The following ARRDC4 variants were observed in gnomAD, a reference collection of about 807,000 sequenced individuals.
ARRDC4 encodes arrestin domain containing 4, also known as arrestin domain-containing protein 4.
In ARRDC4, 40 loss-of-function variants were observed where a neutral mutation model predicts 44.6. That is an observed-to-expected ratio of 0.90 (90% CI 0.70 to 1.17). The LOEUF (loss-of-function observed/expected upper bound fraction) is 1.17, where lower values mean the gene tolerates loss of function less well. Among genes scored for constraint, ARRDC4 ranks in the 50% most tolerant of loss-of-function variants. ARRDC4 has a pLI of 0.00. For synonymous variants in ARRDC4, 211 were observed against 221.2 expected (o/e 0.95, Z 0.41); for missense variants, 550 against 559.1 (o/e 0.98, Z 0.16).
intron 5 of ARRDC4, 25 bp from the exon 6 acceptor site, chr15:97,969,854 CTCTT>C (rs2141536352): frequency 1.5e-6 from 2 of 1,375,990 alleles, no homozygotes; most frequent in African/African-American, 2.1e-5. Flanking sequence ...TTGTTCCTTT[CTCTT>C]TTTTTTTTTT....
At position 97,970,707 on chromosome 15, in the gene ARRDC4, A is replaced by G. The variant is rs1043988505; in HGVS notation, c.1164A>G (p.Gln388=). The G allele has an allele frequency of 6.2e-7, 1 of 1,613,436 alleles. No individual in the cohort carries two copies. The highest frequency in any genetic ancestry group is 8.5e-7 in the Non-Finnish European group (1 of 1,179,652). Reference sequence around the variant, plus strand: ...GCTGTCCTGTGTTTGCCTGTATACAAGAATTCCGGTTTCAACCCCCACCTC... The same window carrying G: ...GCTGTCCTGTGTTTGCCTGTATACAGGAATTCCGGTTTCAACCCCCACCTC... ...EVCCPVFACI[Q]EFRFQPPPLY... is the part of the protein sequence containing the mutation. Residue 388 remains glutamine, a synonymous_variant, in exon 7 of 8, where the codon CAA becomes CAG. Coordinates refer to ENST00000268042, the MANE Select transcript of ARRDC4 (RefSeq NM_183376.3). This position sits in a 1 kb window ranked among gnomAD's most constrained non-coding sequence, Gnocchi z 4.2.
At chr15:97,969,747 T>G in intron 5 of ARRDC4, 136 bp from the exon 6 acceptor site, 1 of 775,962 alleles carries the variant, frequency 1.3e-6, no homozygotes, top group Non-Finnish European at 2.0e-6. Context: ...TCAAGACAAT[T>G]GAGAATTGTG....
intron 1 of ARRDC4, 35 bp downstream of exon 1, chr15:97,961,203 A>C: frequency 7.3e-7 from 1 of 1,369,206 alleles, no homozygotes; most frequent in South Asian, 1.7e-5. Context: ...TTCCCCCGCC[A>C]GGCTGCGGGG....
rs1899431966 is a variant in ARRDC4, at chr15:97,967,209, T to C, written c.523-805T>C. The stretch of plus-strand genomic sequence containing the variant: ...GGGAGGCTGAATATTTTTAAAGTTT[T>C]TATGACCATTGTGGGAATTGATTTA... On this transcript the variant is annotated intron_variant, in intron 3 of 7. Coordinates refer to ENST00000268042, the MANE Select transcript of ARRDC4 (RefSeq NM_183376.3). The surrounding 1 kb of genome is among the most constrained non-coding windows in gnomAD (Gnocchi z 5.0). 6.6e-6 allele frequency among the ~76,000 whole-genome samples: 1 copy of C among 152,208 alleles called. No homozygotes were observed. Among genetic ancestry groups the C allele is most frequent in the Admixed American group, 6.5e-5 (1 of 15,280 alleles).
rs1899416322 is a variant in ARRDC4, at chr15:97,966,096, C to T, written c.522+54C>T. On this transcript the variant is annotated intron_variant, in intron 3 of 7. Coordinates refer to ENST00000268042, the MANE Select transcript of ARRDC4 (RefSeq NM_183376.3). The surrounding 1 kb of genome is among the most constrained non-coding windows in gnomAD (Gnocchi z 4.7). Reference sequence around the variant, plus strand: ...CCTTTTCCTCCTTCCCTCCCTTCCTCCTTCCTTTCAACAGTGGGATCTATA... The same window carrying T: ...CCTTTTCCTCCTTCCCTCCCTTCCTTCTTCCTTTCAACAGTGGGATCTATA... The T allele has an allele frequency of 6.3e-7, 1 of 1,580,908 alleles. No individual in the cohort carries two copies.
At position 97,961,168 on chromosome 15, in the gene ARRDC4, G is replaced by A. The variant is rs1244161915; in HGVS notation, c.307G>A (p.Gly103Ser). The A allele has an allele frequency of 7.0e-7, 1 of 1,423,170 alleles. No individual in the cohort carries two copies. The highest frequency in any genetic ancestry group is 3.3e-5 in the Admixed American group (1 of 30,344). 88.2% of individuals were successfully genotyped at this position (1,423,170 alleles called of 1,614,324 possible). ...VRLSLREPPA[G>S]EGIILLQPGK... ...CCTCAGCCTGCGGGAGCCCCCGGCC[G>A]GTAAGCGCAGGCGAGCGCCTGGGGT... is the stretch of plus-strand genomic sequence containing the variant. Residue 103 changes from glycine (G) to serine (S), a missense_variant and splice_region_variant, in exon 1 of 8, where the codon GGT (glycine) becomes AGT (serine). Coordinates refer to ENST00000268042, the MANE Select transcript of ARRDC4 (RefSeq NM_183376.3).
chr15:97,964,539 T>C (rs1325351489), intron 1 of ARRDC4, among the ~76,000 whole-genome samples: 1 of 152,180 alleles, frequency 6.6e-6, no homozygotes, highest in East Asian at 1.9e-4. Context: ...CTTGGTGCCT[T>C]CATCAGAGGT....
At chr15:97,961,861 C>G (rs1422949838) in intron 1 of ARRDC4, among the ~76,000 whole-genome samples, 1 of 152,134 alleles carries the variant, frequency 6.6e-6, no homozygotes, top group African/African-American at 2.4e-5. Context: ...CCTTTAGAGA[C>G]AAGAGCATCA....
intron 1 of ARRDC4, among the ~76,000 whole-genome samples, chr15:97,962,075 G>T (rs750294899): frequency 2.6e-5 from 4 of 152,132 alleles, no homozygotes; most frequent in East Asian, 1.9e-4. Flanking sequence ...AAACTTTTAC[G>T]TTTTTGCCAT....
Position 97,965,969 on chromosome 15 carries a change from A to C in ARRDC4, c.449A>C (p.Lys150Thr). ...GTGCGGGCAGTGTTGGAACGACCCA[A>C]GGTACCTGATCAGAGTGTAAAGCGG... ...YCVRAVLERPKVPDQSVKREL... is the reference protein window; with the variant it reads ...YCVRAVLERPTVPDQSVKREL... Residue 150 changes from lysine to threonine, a missense_variant, in exon 3 of 8, where the codon AAG (lysine) becomes ACG (threonine). Coordinates refer to ENST00000268042, the MANE Select transcript of ARRDC4 (RefSeq NM_183376.3). This position sits in a 1 kb window ranked among gnomAD's most constrained non-coding sequence, Gnocchi z 5.1. The C allele has an allele frequency of 1.2e-6, 2 of 1,614,174 alleles. No homozygotes were observed. The highest frequency in any genetic ancestry group is 2.2e-5 in the South Asian group (2 of 91,078).
chr15:97,968,193 G>A lies in ARRDC4; in HGVS notation c.625+77G>A. 1.1e-6 allele frequency: 1 copy of A among 948,208 alleles called. No individual in the cohort carries two copies. The highest frequency in any genetic ancestry group is 1.5e-6 in the Non-Finnish European group (1 of 653,698). The allele number at this position is 948,208 out of a possible 1,614,324, so 58.7% of individuals were successfully genotyped here. A position where few individuals can be genotyped will look rare whatever the true frequency, so the allele number is the denominator to read the frequency against. On this transcript the variant is annotated intron_variant, in intron 4 of 7. Coordinates refer to ENST00000268042, the MANE Select transcript of ARRDC4 (RefSeq NM_183376.3). This position sits in a 1 kb window ranked among gnomAD's most constrained non-coding sequence, Gnocchi z 5.4. ...CTAATTTTAAGTGATTTTAAATAGTGTTTTTTGTAATTATATGACGTGTAT... is the reference window on the plus strand; with the variant it reads ...CTAATTTTAAGTGATTTTAAATAGTATTTTTTGTAATTATATGACGTGTAT...
In ARRDC4 at chr15:97,971,435, G is replaced by C; in HGVS notation, c.*248G>C. On this transcript the variant is annotated 3_prime_UTR_variant, in exon 8 of 8. Coordinates refer to ENST00000268042, the MANE Select transcript of ARRDC4 (RefSeq NM_183376.3). ...ATGAAGATGTGCAAAGTCACAGAAT[G>C]TAATGGAAGTCCTGATGGTTACAGA... The C allele has an allele frequency of 2.1e-6, 1 of 480,890 alleles. No individual in the cohort carries two copies. The highest frequency in any genetic ancestry group is 3.8e-6 in the Non-Finnish European group (1 of 264,130). 29.8% of individuals were successfully genotyped at this position (480,890 alleles called of 1,614,324 possible).
At chr15:97,962,166 C>T (rs539137349) in intron 1 of ARRDC4, among the ~76,000 whole-genome samples, 1 of 152,262 alleles carries the variant, frequency 6.6e-6, no homozygotes, top group East Asian at 1.9e-4. Context: ...TGTGCTATGT[C>T]TTATACAAAA....
Position 97,970,023 on chromosome 15 carries a change from G to A in ARRDC4, c.1023G>A (p.Leu341=). ...GTATGGATATGAGCTGGTTGACACT[G>A]ACCCTGCCAGAGCAGCCTGAAGGTA... The part of the protein sequence containing the change: ...QFSMDMSWLT[L]TLPEQPEAPP... The change falls in exon 6 of 8, where the codon CTG becomes CTA. Residue 341 remains leucine, a synonymous_variant. Transcript: ENST00000268042. This position sits in a 1 kb window ranked among gnomAD's most constrained non-coding sequence, Gnocchi z 4.2. 6.2e-7 allele frequency: 1 copy of A among 1,610,484 alleles called. No individual in the cohort carries two copies. The highest frequency in any genetic ancestry group is 8.5e-7 in the Non-Finnish European group (1 of 1,178,154).
intron 1 of ARRDC4, among the ~76,000 whole-genome samples, chr15:97,964,709 A>G (rs922625353): frequency 3.3e-5 from 5 of 152,180 alleles, no homozygotes; most frequent in East Asian, 3.8e-4. Context: ...CTGTATTCCA[A>G]GTTAGCCACC....
Position 97,971,472 on chromosome 15 carries a change from G to A in ARRDC4, c.*285G>A, listed in dbSNP as rs546852215. The A allele has an allele frequency of 3.9e-5, 16 of 405,700 alleles. No individual in the cohort carries two copies. The East Asian group carries it at 8.0e-4, about 20-fold the overall frequency. 25.1% of individuals were successfully genotyped at this position (405,700 alleles called of 1,614,324 possible). A position where few individuals can be genotyped will look rare whatever the true frequency, so the allele number is the denominator to read the frequency against. On this transcript the variant is annotated 3_prime_UTR_variant, in exon 8 of 8. Transcript: ENST00000268042. ...CTGATGGTTACAGAGTAAGTGAAAG[G>A]GTGCCTGCGCTGACGTGAGAGAAAG...
rs1285959891 is a variant in ARRDC4, at chr15:97,970,505, A to G, written c.1046-84A>G. On this transcript the variant is annotated intron_variant, in intron 6 of 7. Coordinates refer to ENST00000268042, the MANE Select transcript of ARRDC4 (RefSeq NM_183376.3). The surrounding 1 kb of genome is among the most constrained non-coding windows in gnomAD (Gnocchi z 4.2). ...TGCCATATTTTTTATCTTCAAGTTT[A>G]GCTGTTTCTTGTTTTTGTAGCAGTT... The G allele has an allele frequency of 1.0e-5, 14 of 1,377,980 alleles. No homozygotes were observed. In the East Asian group the frequency reaches 3.1e-4, roughly 30 times the overall value. The allele number at this position is 1,377,980 out of a possible 1,614,324, so 85.4% of individuals were successfully genotyped here.
At chr15:97,961,398 G>A (rs1899317049) in intron 1 of ARRDC4, among the ~76,000 whole-genome samples, 1 of 152,180 alleles carries the variant, frequency 6.6e-6, no homozygotes, top group Admixed American at 6.5e-5. Flanking sequence ...CCAGTGGCTC[G>A]GGATTTTCTA....
rs1899499371 is a variant in ARRDC4, at chr15:97,970,839, A to G, written c.1200+96A>G. On this transcript the variant is annotated intron_variant, in intron 7 of 7. Transcript: ENST00000268042. This position sits in a 1 kb window ranked among gnomAD's most constrained non-coding sequence, Gnocchi z 4.2. Reference sequence around the variant, plus strand: ...ATTAGAGTGTCTGTTGCTGACTCATAATTAGTAAGGGATACATTTAAATTT... The same window carrying G: ...ATTAGAGTGTCTGTTGCTGACTCATGATTAGTAAGGGATACATTTAAATTT... The G allele has an allele frequency of 7.3e-7, 1 of 1,369,164 alleles. No individual in the cohort carries two copies. Among genetic ancestry groups the G allele is most frequent in the East Asian group, 2.3e-5 (1 of 43,066 alleles). 84.8% of individuals were successfully genotyped at this position (1,369,164 alleles called of 1,614,324 possible).
Sources: allele counts gnomAD v4.1 joint callset (sites outside exome capture counted in the v4.1 genomes callset), GRCh38; gene constraint gnomAD v4.1.1; non-coding constraint Gnocchi (gnomAD v3.1); transcripts MANE v1.5; gene names NCBI Gene and HGNC (gene_info 2026-07-23, HGNC 2026-07-21).